The following RAB5C variants were observed in gnomAD, a reference collection of about 807,000 sequenced individuals.
RAB5C encodes the protein RAB5C, member RAS oncogene family, also known as ras-related protein Rab-5C.
RAB5C carries 4 observed loss-of-function variants against 25.2 expected under a neutral mutation model. The ratio of observed to expected loss-of-function variants is 0.16; its 90% CI spans 0.08 to 0.36. RAB5C has a LOEUF of 0.36. Among genes scored for constraint, RAB5C ranks in the 10% least tolerant of loss-of-function variants. The pLI, the probability that RAB5C is intolerant of heterozygous loss-of-function variation, is 1.00. For missense variants in RAB5C, 199 were observed against 283.8 expected (o/e 0.70, Z 2.15); for synonymous variants, 100 against 106.4 (o/e 0.94, Z 0.37).
intron 1 of RAB5C, among the ~76,000 whole-genome samples, chr17:42,136,771 G>A (rs545967541): frequency 3.3e-5 from 5 of 152,110 alleles, no homozygotes; most frequent in African/African-American, 1.2e-4. Flanking sequence ...ATGAAGGTGA[G>A]GAGAAGTGAC....
At chr17:42,133,728 C>T (rs1338371496) in intron 1 of RAB5C, among the ~76,000 whole-genome samples, 3 of 152,234 alleles carry the variant, frequency 2.0e-5, no homozygotes, top group Non-Finnish European at 4.4e-5. Flanking sequence ...AGCTGAGCCT[C>T]AGTGTTCTCA....
At position 42,126,844 on chromosome 17, in the gene RAB5C, G is replaced by A. The variant is rs769904870; in HGVS notation, c.446C>T (p.Ala149Val). Residue 149 changes from alanine to valine, a missense_variant, in exon 5 of 6, where the codon GCA becomes GTA. This residue lies in a region of RAB5C where 154 missense variants were observed against 199.6 expected (regional missense o/e 0.77). Coordinates refer to ENST00000346213, the MANE Select transcript of RAB5C (RefSeq NM_004583.4). ...ACTGTTGTCGTCTGCATAGGCTTGT[G>A]CTTCCTGGTTTGGATGGAGGTGAGA... ...ASKRAVEFQEAQAYADDNSLL... is the reference protein window; with the variant it reads ...ASKRAVEFQEVQAYADDNSLL... The A allele has an allele frequency of 6.2e-7, 1 of 1,609,216 alleles. No individual in the cohort carries two copies. The highest frequency in any genetic ancestry group is 1.1e-5 in the South Asian group (1 of 90,830).
At position 42,125,473 on chromosome 17, in the gene RAB5C, A is replaced by C; in HGVS notation, c.*310T>G. On this transcript the variant is annotated 3_prime_UTR_variant, in exon 6 of 6. Coordinates refer to ENST00000346213, the MANE Select transcript of RAB5C (RefSeq NM_004583.4). Reference sequence around the variant, plus strand: ...CCCCATATACAAGGGTTGGGGGGCAAGAGCATGTGGCTACTCCCAGCAAGG... The same window carrying C: ...CCCCATATACAAGGGTTGGGGGGCACGAGCATGTGGCTACTCCCAGCAAGG... 1 of 307,296 alleles carries C rather than the reference A, an allele frequency of 3.3e-6. No homozygotes were observed. Among genetic ancestry groups the C allele is most frequent in the Non-Finnish European group, 6.2e-6 (1 of 161,986 alleles). The allele number at this position is 307,296 out of a possible 1,614,324, so 19.0% of individuals were successfully genotyped here. A position where few individuals can be genotyped will look rare whatever the true frequency, so the allele number is the denominator to read the frequency against.
intron 1 of RAB5C, chr17:42,131,764 TTTTG>T (rs1375954797): frequency 2.9e-6 from 2 of 680,806 alleles, no homozygotes; most frequent in Admixed American, 2.9e-5. Context: ...AGGCTCAACT[TTTTG>T]TTTTTGTTAA....
rs2054585772 is a variant in RAB5C at position 42,140,511 on chromosome 17, ATATATTTTTTTTTTTTTTTTT to A, written c.-88-9942_-88-9922del. ...TATATATATATATATATATATATAT[ATATATTTTTTTTTTTTTTTTT>A]TTTTTTTTTGAGATGGAGTCTCGCT... On this transcript the variant is annotated intron_variant, in intron 1 of 5. Coordinates refer to ENST00000346213, the MANE Select transcript of RAB5C (RefSeq NM_004583.4). Among the ~76,000 whole-genome samples, 4 of 36,020 alleles carry A rather than the reference ATATATTTTTTTTTTTTTTTTT, an allele frequency of 1.1e-4. No individual in the cohort carries two copies. In the African/African-American group the frequency reaches 1.3e-3, roughly 12 times the overall value. The allele number at this position is 36,020 out of a possible 152,430, so 23.6% of individuals were successfully genotyped here. A position where few individuals can be genotyped will look rare whatever the true frequency, so the allele number is the denominator to read the frequency against.
intron 1 of RAB5C, among the ~76,000 whole-genome samples, chr17:42,135,750 T>C (rs775885864): frequency 6.6e-6 from 1 of 152,226 alleles, no homozygotes; most frequent in Non-Finnish European, 1.5e-5. Flanking sequence ...ATCCACGAAG[T>C]CACCCACTTC....
At chr17:42,147,070 GAAAA>G (rs748135734) in intron 1 of RAB5C, among the ~76,000 whole-genome samples, 24 of 133,826 alleles carry the variant, frequency 1.8e-4, no homozygotes, top group African/African-American at 5.9e-4. Context: ...AAGAAAGAAA[GAAAA>G]AGAAAGAAAG....
intron 1 of RAB5C, among the ~76,000 whole-genome samples, chr17:42,149,213 C>A (rs917881380): frequency 6.6e-6 from 1 of 152,126 alleles, no homozygotes; most frequent in Non-Finnish European, 1.5e-5. Flanking sequence ...ACATATGTAC[C>A]CTTCACTCAA....
chr17:42,132,908 A>T (rs1283427071), intron 1 of RAB5C, among the ~76,000 whole-genome samples: 2 of 152,218 alleles, frequency 1.3e-5, no homozygotes, highest in African/African-American at 4.8e-5. Flanking sequence ...TACAGGTGAC[A>T]GAACCCCCCA....
Position 42,125,157 on chromosome 17 carries a change from G to A in RAB5C, c.*626C>T, listed in dbSNP as rs1326969561. On this transcript the variant is annotated 3_prime_UTR_variant, in exon 6 of 6. Coordinates refer to ENST00000346213, the MANE Select transcript of RAB5C (RefSeq NM_004583.4). ...GTCAGAACAGGGCTCAGAGCCAGAG[G>A]TTGGGGTGACCGAGGGTGGAGGGGT... is the stretch of plus-strand genomic sequence containing the variant. The A allele has an allele frequency of 4.6e-5, 7 of 152,418 alleles. No individual in the cohort carries two copies. The highest frequency in any genetic ancestry group is 1.7e-4 in the African/African-American group (7 of 41,296). The allele number at this position is 152,418 out of a possible 1,614,324, so 9.4% of individuals were successfully genotyped here. A position where few individuals can be genotyped will look rare whatever the true frequency, so the allele number is the denominator to read the frequency against.
At chr17:42,147,595 G>A (rs1316634468) in intron 1 of RAB5C, among the ~76,000 whole-genome samples, 5 of 152,178 alleles carry the variant, frequency 3.3e-5, no homozygotes, top group East Asian at 1.9e-4. Context: ...TTAACTTCTG[G>A]AAACTGAGTT....
chr17:42,130,058 A>G (rs2054468770), intron 2 of RAB5C: 1 of 374,330 alleles, frequency 2.7e-6, no homozygotes, highest in Admixed American at 4.3e-5. Flanking sequence ...CAGGGCAGTG[A>G]AAGGGCCTCA....
intron 2 of RAB5C, 35 bp from the exon 3 acceptor site, chr17:42,128,835 G>C (rs765509707): frequency 7.0e-7 from 1 of 1,426,360 alleles, no homozygotes; most frequent in African/African-American, 1.5e-5. Flanking sequence ...GGGCAAGAGC[G>C]AGTTGGAATC....
chr17:42,153,576 A>G (rs1443296348), intron 1 of RAB5C, among the ~76,000 whole-genome samples: 2 of 152,210 alleles, frequency 1.3e-5, no homozygotes, highest in African/African-American at 4.8e-5. Flanking sequence ...AAGGTAGCCC[A>G]GAACACTGAA....
rs1486544454 is a variant in RAB5C at position 42,140,511 on chromosome 17, ATATATTTTTTTTTTT to A, written c.-88-9936_-88-9922del. On this transcript the variant is annotated intron_variant, in intron 1 of 5. Coordinates refer to ENST00000346213, the MANE Select transcript of RAB5C (RefSeq NM_004583.4). ...TATATATATATATATATATATATAT[ATATATTTTTTTTTTT>A]TTTTTTTTTTTTTTTGAGATGGAGT... 6.6e-3 allele frequency among the ~76,000 whole-genome samples: 236 copies of A among 35,952 alleles called. No homozygotes were observed. The African/African-American group carries it at 0.075, about 11-fold the overall frequency. 23.6% of individuals were successfully genotyped at this position (35,952 alleles called of 152,430 possible).
intron 1 of RAB5C, among the ~76,000 whole-genome samples, chr17:42,150,545 A>G (rs1261637767): frequency 3.7e-5 from 2 of 54,532 alleles, no homozygotes; most frequent in African/African-American, 8.6e-5. Flanking sequence ...ACTCCATCTC[A>G]AAAAAAAAAA....
chr17:42,150,338 G>A (rs1318897008), intron 1 of RAB5C, among the ~76,000 whole-genome samples: 1 of 150,890 alleles, frequency 6.6e-6, no homozygotes, highest in African/African-American at 2.4e-5. Context: ...GAGGTCAGGA[G>A]ATCGAGACCA....
At chr17:42,131,508 AAAACACACACCGAAAC>A in intron 1 of RAB5C, 5 of 1,261,768 alleles carry the variant, frequency 4.0e-6, no homozygotes, top group Non-Finnish European at 3.3e-6. Flanking sequence ...ACACCAAAAC[AAAACACACACCGAAAC>A]AAACACACAC....
At position 42,152,446 on chromosome 17, in the gene RAB5C, G is replaced by C. The variant is rs149074536; in HGVS notation, c.-89+2447C>G. 9.5e-3 allele frequency among the ~76,000 whole-genome samples: 1,445 copies of C among 152,146 alleles called. 25 individuals are homozygous for C. The highest frequency in any genetic ancestry group is 0.033 in the African/African-American group (1,367 of 41,492). The stretch of plus-strand genomic sequence containing the variant: ...GCTGCATAACGACCCAAAGCACTGG[G>C]GCCTGCCTCGTCTCTCTAAATGGCA... On this transcript the variant is annotated intron_variant, in intron 1 of 5. Coordinates refer to ENST00000346213, the MANE Select transcript of RAB5C (RefSeq NM_004583.4).
Sources: allele counts gnomAD v4.1 joint callset (sites outside exome capture counted in the v4.1 genomes callset), GRCh38; gene constraint gnomAD v4.1.1; regional missense constraint gnomAD v4.1.1; transcripts MANE v1.5; gene names NCBI Gene and HGNC (gene_info 2026-07-23, HGNC 2026-07-21).